Variants in PJA2 observed in about 807,000 individuals in gnomAD.
PJA2 encodes E3 ubiquitin-protein ligase Praja-2.
Under a neutral mutation model 69.3 loss-of-function variants are expected in PJA2, and 25 were observed. The ratio of observed to expected loss-of-function variants is 0.36; its 90% CI spans 0.26 to 0.50. The LOEUF is 0.50. PJA2 is among the 20% of genes least tolerant of loss of function. The pLI, the probability that PJA2 is intolerant of heterozygous loss-of-function variation, is 0.96. For missense variants in PJA2, 809 were observed against 830.2 expected, an observed-to-expected ratio of 0.97 and a Z score of 0.31; for synonymous variants, 308 against 277.8, an observed-to-expected ratio of 1.11 and a Z score of -1.08.
chr5:109,342,379 G>A (rs1167708439), intron 9 of PJA2, among the ~76,000 whole-genome samples: 65 of 123,002 alleles, frequency 5.3e-4, no homozygotes, highest in African/African-American at 2.0e-3. Flanking sequence ...GGGAGGTGGG[G>A]GGGTCGGCCC....
At chr5:109,373,708 A>G (rs1210522446) in intron 4 of PJA2, among the ~76,000 whole-genome samples, 1 of 152,180 alleles carries the variant, frequency 6.6e-6, no homozygotes, top group African/African-American at 2.4e-5. Flanking sequence ...TTTGATCTTC[A>G]TATGATCCTT....
chr5:109,372,799 G>T lies in PJA2; in HGVS notation c.1284-4053C>A, dbSNP rs1042524800. On this transcript the variant is annotated intron_variant, in intron 4 of 9. Coordinates refer to ENST00000361189, the MANE Select transcript of PJA2 (RefSeq NM_014819.5). ...GCATGCCTGTAATCCCAGCTACTCA[G>T]GAGGCTGAGGCAGGAGAATCGCTTG... 2.0e-5 allele frequency among the ~76,000 whole-genome samples: 3 copies of T among 151,110 alleles called. No homozygotes were observed. The Admixed American group carries it at 2.0e-4, about 10-fold the overall frequency.
Position 109,336,729 on chromosome 5 carries a change from A to C in PJA2, c.*502T>G, listed in dbSNP as rs1190811002. On this transcript the variant is annotated 3_prime_UTR_variant, in exon 10 of 10. Coordinates refer to ENST00000361189, the MANE Select transcript of PJA2 (RefSeq NM_014819.5). ...ATTTTAAACAAAAATGGACTTTCTGAAAAATTTCTCAGCATATGAACCAAG... is the reference window on the plus strand; with the variant it reads ...ATTTTAAACAAAAATGGACTTTCTGCAAAATTTCTCAGCATATGAACCAAG... The C allele has an allele frequency of 6.6e-6, 1 of 152,226 alleles. No individual in the cohort carries two copies. Among genetic ancestry groups the C allele is most frequent in the African/African-American group, 2.4e-5 (1 of 41,444 alleles). The allele number at this position is 152,226 out of a possible 1,614,324, so 9.4% of individuals were successfully genotyped here. A position where few individuals can be genotyped will look rare whatever the true frequency, so the allele number is the denominator to read the frequency against.
chr5:109,353,774 ATAGAT>A (rs1389409395), intron 7 of PJA2, among the ~76,000 whole-genome samples: 3 of 139,466 alleles, frequency 2.2e-5, no homozygotes, highest in Non-Finnish European at 4.7e-5. Context: ...AGAGATATCT[ATAGAT>A]TAGATGTCTA....
intron 1 of PJA2, among the ~76,000 whole-genome samples, chr5:109,386,559 G>A (rs1037056735): frequency 1.3e-5 from 2 of 152,034 alleles, no homozygotes; most frequent in Non-Finnish European, 2.9e-5. Flanking sequence ...TGTTTTCAAG[G>A]GCTATTAATC....
At chr5:109,354,407 C>A (rs1165784228) in intron 7 of PJA2, among the ~76,000 whole-genome samples, 2 of 141,422 alleles carry the variant, frequency 1.4e-5, no homozygotes, top group African/African-American at 2.8e-5. Context: ...CTAGAGATAT[C>A]TATAGATTAG....
Position 109,336,070 on chromosome 5 carries a change from G to C in PJA2, c.*1161C>G, listed in dbSNP as rs777976983. ...AAATACACGAATAAGATGTAACTCT[G>C]CATTTGGGAAGCCATATAAATATTC... On this transcript the variant is annotated 3_prime_UTR_variant, in exon 10 of 10. Coordinates refer to ENST00000361189, the MANE Select transcript of PJA2 (RefSeq NM_014819.5). The C allele has an allele frequency of 6.6e-5, 10 of 152,602 alleles. No individual in the cohort carries two copies. Among genetic ancestry groups the C allele is most frequent in the Non-Finnish European group, 1.5e-4 (10 of 68,022 alleles). The allele number at this position is 152,602 out of a possible 1,614,324, so 9.5% of individuals were successfully genotyped here.
chr5:109,379,650 A>G (rs1306591906), intron 3 of PJA2, among the ~76,000 whole-genome samples: 2 of 152,224 alleles, frequency 1.3e-5, no homozygotes, highest in African/African-American at 4.8e-5. Context: ...TATGCAGGTA[A>G]AAACAACAAC....
intron 1 of PJA2, among the ~76,000 whole-genome samples, chr5:109,408,933 A>C (rs2127022393): frequency 6.6e-6 from 1 of 152,366 alleles, no homozygotes; most frequent in East Asian, 1.9e-4. Context: ...AGAATACATT[A>C]AGCCTGCAAT....
intron 7 of PJA2, among the ~76,000 whole-genome samples, chr5:109,352,776 ATC>A (rs1355551865): frequency 6.6e-6 from 1 of 151,528 alleles, no homozygotes; most frequent in Non-Finnish European, 1.5e-5. Context: ...GATATCTAAT[ATC>A]TATAGATATC....
chr5:109,363,024 T>C lies in PJA2; in HGVS notation c.1470-2A>G. On this transcript the variant is annotated splice_acceptor_variant, in intron 5 of 9. Transcript: ENST00000361189. LOFTEE classifies it high-confidence loss of function. The stretch of plus-strand genomic sequence containing the variant: ...CCCTCTTCCAAGGATGTCTGTTCCC[T>C]AGTACAAACATTTTAAAGGAAGAAA... The C allele has an allele frequency of 6.4e-7, 1 of 1,572,308 alleles. No homozygotes were observed. The highest frequency in any genetic ancestry group is 8.7e-7 in the Non-Finnish European group (1 of 1,151,834).
chr5:109,352,885 A>G (rs927633450), intron 7 of PJA2, among the ~76,000 whole-genome samples: 13 of 149,746 alleles, frequency 8.7e-5, no homozygotes, highest in African/African-American at 2.0e-4. Flanking sequence ...TTAGATATCT[A>G]TATCTATAGA....
chr5:109,385,682 C>A (rs902648411), intron 1 of PJA2, among the ~76,000 whole-genome samples: 3 of 152,038 alleles, frequency 2.0e-5, no homozygotes, highest in African/African-American at 7.3e-5. Flanking sequence ...TCTAGGTGTA[C>A]ATGGAGAAGT....
rs79406205 is a variant in PJA2, at chr5:109,356,861, A to G, written c.1653-835T>C. ...TTTTAATTATAATTTTCTCTAAAAA[A>G]CCATTAAGCTCCTAGAAGAAAAACA... On this transcript the variant is annotated intron_variant, in intron 6 of 9. Transcript: ENST00000361189. 7.0e-3 allele frequency among the ~76,000 whole-genome samples: 1,060 copies of G among 152,212 alleles called. 12 individuals carry two copies. The highest frequency in any genetic ancestry group is 0.024 in the African/African-American group (1,002 of 41,548).
chr5:109,354,479 AGATTAGATAT>A (rs1762369231), intron 7 of PJA2, among the ~76,000 whole-genome samples: 5 of 38,014 alleles, frequency 1.3e-4, no homozygotes, highest in Non-Finnish European at 2.8e-4. Flanking sequence ...AGATATCTAT[AGATTAGATAT>A]CTATAATATC....
intron 3 of PJA2, 116 bp from the exon 4 acceptor site, chr5:109,379,370 A>C: frequency 1.4e-6 from 1 of 734,000 alleles, no homozygotes; most frequent in South Asian, 1.9e-5. Flanking sequence ...ATACATGAGT[A>C]AATTTATTTA....
rs1561346503 is a variant in PJA2 at position 109,354,500 on chromosome 5, ATAGATAT to A, written c.1764+1408_1764+1414del. On this transcript the variant is annotated intron_variant, in intron 7 of 9. Transcript: ENST00000361189. ...CTATAGATTAGATATCTATAATATC[ATAGATAT>A]CTATATCGATATTAGATATCTATAA... Among the ~76,000 whole-genome samples, 44 of 35,262 alleles carry A rather than the reference ATAGATAT, an allele frequency of 1.2e-3. 2 individuals are homozygous for A. The highest frequency in any genetic ancestry group is 7.5e-3 in the African/African-American group (42 of 5,592). The allele number at this position is 35,262 out of a possible 152,430, so 23.1% of individuals were successfully genotyped here.
intron 6 of PJA2, among the ~76,000 whole-genome samples, chr5:109,360,330 CTT>C (rs964775097): frequency 6.6e-6 from 1 of 152,134 alleles, no homozygotes; most frequent in African/African-American, 2.4e-5. Flanking sequence ...ATCAGGTACT[CTT>C]GAGTATTTTG....
intron 7 of PJA2, among the ~76,000 whole-genome samples, chr5:109,349,050 T>G (rs956144096): frequency 1.3e-5 from 2 of 152,206 alleles, no homozygotes; most frequent in African/African-American, 4.8e-5. Flanking sequence ...ATACAATGCC[T>G]CTTGGAACTA....
Sources: allele counts gnomAD v4.1 joint callset (sites outside exome capture counted in the v4.1 genomes callset), GRCh38; gene constraint gnomAD v4.1.1; transcripts MANE v1.5; gene names NCBI Gene and HGNC (gene_info 2026-07-23, HGNC 2026-07-21).